Variants in SAMD3 observed in about 807,000 individuals in gnomAD.
SAMD3 encodes the protein sterile alpha motif domain-containing protein 3.
A neutral mutation model predicts 58.5 loss-of-function variants in SAMD3; 63 were observed. The ratio of observed to expected loss-of-function variants is 1.08; its 90% confidence interval spans 0.88 to 1.33. The LOEUF (loss-of-function observed/expected upper bound fraction) is 1.33, where lower values mean the gene tolerates loss of function less well. Among genes scored for constraint, SAMD3 ranks in the 40% most tolerant of loss-of-function variants. The pLI, the probability that SAMD3 is intolerant of heterozygous loss-of-function variation, is 0.00. For synonymous variants in SAMD3, 220 were observed against 210.3 expected (o/e 1.05, Z -0.40); for missense variants, 604 against 608.4 (o/e 0.99, Z 0.08).
intron 2 of SAMD3, among the ~76,000 whole-genome samples, chr6:130,306,358 A>T (rs986369601): frequency 3.9e-5 from 6 of 152,230 alleles, no homozygotes; most frequent in South Asian, 4.1e-4. Context: ...AAAAGGAAAG[A>T]TTAATTACCC....
chr6:130,198,117 C>G (rs529035322), intron 5 of SAMD3, among the ~76,000 whole-genome samples: 1 of 152,158 alleles, frequency 6.6e-6, no homozygotes, highest in Non-Finnish European at 1.5e-5. Context: ...CATCTCTCTT[C>G]GCTGACTCTC....
At position 130,365,352 on chromosome 6, in the gene SAMD3, C is replaced by G. The variant is rs527432601; in HGVS notation, c.-536G>C. On this transcript the variant is annotated 5_prime_UTR_variant, in exon 1 of 14. Coordinates refer to the SAMD3 transcript ENST00000368134. ...TTCCCCCGCCCATGGTTCTCGCCCC[C>G]CCAAGCCGTTCTCCGGAACCCCTTG... 55 of 985,656 alleles carry G rather than the reference C, an allele frequency of 5.6e-5. No homozygotes were observed. In the Admixed American group the frequency reaches 1.0e-3, roughly 19 times the overall value. The allele number at this position is 985,656 out of a possible 1,614,324, so 61.1% of individuals were successfully genotyped here. A position where few individuals can be genotyped will look rare whatever the true frequency, so the allele number is the denominator to read the frequency against.
At chr6:130,321,735 T>C (rs974750613) in intron 1 of SAMD3, among the ~76,000 whole-genome samples, 2 of 147,736 alleles carry the variant, frequency 1.4e-5, no homozygotes, top group African/African-American at 5.1e-5. Context: ...CAGCATCTTA[T>C]ATCTAGGGCC....
At chr6:130,243,345 TCTC>T (rs1351846453) in intron 2 of SAMD3, among the ~76,000 whole-genome samples, 2 of 152,090 alleles carry the variant, frequency 1.3e-5, no homozygotes, top group African/African-American at 4.8e-5. Context: ...AGTAAAGCCT[TCTC>T]CTAAGCAGAA....
chr6:130,363,860 G>T (rs1778056260), intron 1 of SAMD3, among the ~76,000 whole-genome samples: 1 of 152,166 alleles, frequency 6.6e-6, no homozygotes, highest in African/African-American at 2.4e-5. Flanking sequence ...GAAAATAGTT[G>T]ACTTCTATCC....
At chr6:130,315,579 C>T (rs9492538) in intron 1 of SAMD3, among the ~76,000 whole-genome samples, 3 of 151,802 alleles carry the variant, frequency 2.0e-5, no homozygotes, top group African/African-American at 4.8e-5. Flanking sequence ...ATTGTTGACA[C>T]GAATAGAATC....
intron 2 of SAMD3, among the ~76,000 whole-genome samples, chr6:130,305,430 C>G (rs1212716828): frequency 6.6e-6 from 1 of 151,982 alleles, no homozygotes; most frequent in Non-Finnish European, 1.5e-5. Flanking sequence ...TCTTACTACC[C>G]TGTCTATAAT....
intron 2 of SAMD3, 70 bp from the exon 3 acceptor site, chr6:130,215,364 G>A (rs1244492994): frequency 2.3e-5 from 30 of 1,277,978 alleles, no homozygotes; most frequent in Non-Finnish European, 2.9e-5. Context: ...TTTTTTAACA[G>A]TCAGCCGCTT....
chr6:130,278,097 G>C (rs531788302), intron 2 of SAMD3, among the ~76,000 whole-genome samples: 2 of 152,156 alleles, frequency 1.3e-5, no homozygotes, highest in African/African-American at 4.8e-5. Flanking sequence ...TAAGAGCAGT[G>C]CTTGAGATAG....
chr6:130,352,754 C>G (rs1474561031), intron 1 of SAMD3, among the ~76,000 whole-genome samples: 3 of 152,212 alleles, frequency 2.0e-5, no homozygotes, highest in East Asian at 3.9e-4. Context: ...CTATGAACAG[C>G]AAAGAAAACA....
At chr6:130,257,654 A>G (rs1255575722) in intron 2 of SAMD3, among the ~76,000 whole-genome samples, 1 of 152,178 alleles carries the variant, frequency 6.6e-6, no homozygotes, top group Non-Finnish European at 1.5e-5. Flanking sequence ...ATATTGTTTT[A>G]ATTTTTAGAA....
At position 130,260,137 on chromosome 6, in the gene SAMD3, C is replaced by G. The variant is rs140983891; in HGVS notation, c.-187-37324G>C. On this transcript the variant is annotated intron_variant, in intron 2 of 13. Transcript: ENST00000368134. ...ACTACATATAGTGAGAGAATAGAGACAGACCCTCTCATATTGTTTTATACT... is the reference window on the plus strand; with the variant it reads ...ACTACATATAGTGAGAGAATAGAGAGAGACCCTCTCATATTGTTTTATACT... 1.7e-3 allele frequency among the ~76,000 whole-genome samples: 254 copies of G among 152,244 alleles called. 2 individuals are homozygous for G. Among genetic ancestry groups the G allele is most frequent in the Admixed American group, 0.012 (188 of 15,296 alleles).
intron 7 of SAMD3, among the ~76,000 whole-genome samples, chr6:130,182,012 T>G (rs1327885729): frequency 6.8e-6 from 1 of 146,882 alleles, no homozygotes; most frequent in Non-Finnish European, 1.5e-5. Flanking sequence ...TTGCAGTGAG[T>G]CGAGATCGTG....
At chr6:130,280,480 T>C (rs1562496603) in intron 2 of SAMD3, among the ~76,000 whole-genome samples, 1 of 152,106 alleles carries the variant, frequency 6.6e-6, no homozygotes, top group African/African-American at 2.4e-5. Context: ...TCACATTCCC[T>C]CCCAAAGCTT....
intron 9 of SAMD3, among the ~76,000 whole-genome samples, chr6:130,154,564 C>T (rs985131934): frequency 6.6e-6 from 1 of 151,670 alleles, no homozygotes; most frequent in Non-Finnish European, 1.5e-5. Flanking sequence ...CATGGTGGCA[C>T]ACACTTGTAG....
At chr6:130,191,363 G>T (rs1793524396) in intron 5 of SAMD3, among the ~76,000 whole-genome samples, 1 of 152,114 alleles carries the variant, frequency 6.6e-6, no homozygotes, top group African/African-American at 2.4e-5. Flanking sequence ...GGTTCCTGGG[G>T]CTCCCCAGGA....
chr6:130,228,405 G>T (rs1442614741), intron 2 of SAMD3, among the ~76,000 whole-genome samples: 7 of 152,138 alleles, frequency 4.6e-5, no homozygotes, highest in Non-Finnish European at 8.8e-5. Flanking sequence ...GCAGGGCTGG[G>T]CTAACAAAAT....
At chr6:130,304,342 G>C (rs957960211) in intron 2 of SAMD3, among the ~76,000 whole-genome samples, 1 of 152,096 alleles carries the variant, frequency 6.6e-6, no homozygotes, top group Non-Finnish European at 1.5e-5. Flanking sequence ...GCTAATTTTT[G>C]TATTTTTAGT....
At chr6:130,229,643 C>T (rs1032388968) in intron 2 of SAMD3, among the ~76,000 whole-genome samples, 3 of 152,154 alleles carry the variant, frequency 2.0e-5, no homozygotes, top group Non-Finnish European at 2.9e-5. Context: ...TCATGTTATG[C>T]TTCCATTATG....
Sources: allele counts gnomAD v4.1 joint callset (sites outside exome capture counted in the v4.1 genomes callset), GRCh38; gene constraint gnomAD v4.1.1; transcripts MANE v1.5; gene names NCBI Gene and HGNC (gene_info 2026-07-23, HGNC 2026-07-21).